Variants in DPY19L1 observed in about 807,000 individuals in gnomAD.
DPY19L1 encodes protein C-mannosyl-transferase DPY19L1.
DPY19L1 carries 35 observed loss-of-function variants against 96.9 expected under a neutral mutation model. The observed-to-expected ratio is 0.36, with a 90% confidence interval of 0.28 to 0.48. The LOEUF is 0.48. Ranked by LOEUF, DPY19L1 falls within the 20% of genes least tolerant of loss-of-function variation. DPY19L1 has a pLI of 0.99. For missense variants in DPY19L1, 521 were observed against 777.9 expected, an observed-to-expected ratio of 0.67 and a Z score of 3.93; for synonymous variants, 205 against 252.6, an observed-to-expected ratio of 0.81 and a Z score of 1.79.
At chr7:35,037,963 C>T, upstream of DPY19L1, 2 of 1,173,396 alleles carry the variant, frequency 1.7e-6, no homozygotes, top group Non-Finnish European at 2.1e-6. Context: ...GTTTCGGAGC[C>T]TGTTAAGGCT....
intron 1 of DPY19L1, among the ~76,000 whole-genome samples, chr7:35,022,616 C>T (rs1279382180): frequency 6.6e-6 from 1 of 152,206 alleles, no homozygotes; most frequent in South Asian, 2.1e-4. Flanking sequence ...GTAGAAACAA[C>T]ATTTACCAAA....
chr7:35,006,322 G>A (rs1172754072), intron 6 of DPY19L1, among the ~76,000 whole-genome samples: 1 of 152,146 alleles, frequency 6.6e-6, no homozygotes, highest in East Asian at 1.9e-4. Context: ...TCACACTAAA[G>A]TGCAAAGAAT....
At chr7:35,032,684 C>T (rs554966523) in intron 1 of DPY19L1, among the ~76,000 whole-genome samples, 10 of 152,162 alleles carry the variant, frequency 6.6e-5, no homozygotes, top group South Asian at 6.2e-4. Flanking sequence ...ATGTCCAAGA[C>T]GAAATTCTTG....
In DPY19L1 at chr7:34,947,658, A is replaced by T. The variant is rs765517602; in HGVS notation, c.1466T>A (p.Leu489His). 6.2e-7 allele frequency: 1 copy of T among 1,612,752 alleles called. No individual in the cohort carries two copies. Among genetic ancestry groups the T allele is most frequent in the Non-Finnish European group, 8.5e-7 (1 of 1,179,276 alleles). ...TCTAACAATAGCAACAAACACTACA[A>T]GAACAACTGGAAGCAATAATGTCTT... is the stretch of plus-strand genomic sequence containing the variant. ...YTKTLLLPVV[L>H]VVFVAIVRKI... is the part of the protein sequence containing the mutation. Residue 489 changes from leucine (L) to histidine (H), a missense_variant, in exon 15 of 22, where the codon CTT (leucine) becomes CAT (histidine). Physicochemically the swap from Leu to His is moderately conservative, Grantham distance 99. Transcript: ENST00000638088.
chr7:34,939,684 T>C (rs1407392293), intron 19 of DPY19L1, among the ~76,000 whole-genome samples: 1 of 152,206 alleles, frequency 6.6e-6, no homozygotes, highest in Non-Finnish European at 1.5e-5. Flanking sequence ...TCAAATGGAC[T>C]AGGAAAGCTT....
intron 10 of DPY19L1, among the ~76,000 whole-genome samples, chr7:34,964,863 A>G (rs2128666519): frequency 6.6e-6 from 1 of 152,258 alleles, no homozygotes; most frequent in African/African-American, 2.4e-5. Flanking sequence ...AAACTGGTAA[A>G]AGATCTGAAT....
chr7:35,001,465 G>A (rs1309405468), intron 6 of DPY19L1, among the ~76,000 whole-genome samples: 1 of 152,158 alleles, frequency 6.6e-6, no homozygotes, highest in African/African-American at 2.4e-5. Context: ...ATAGAAGACA[G>A]AGTCTCTTAA....
At chr7:34,958,849 G>C (rs1784431684) in intron 10 of DPY19L1, among the ~76,000 whole-genome samples, 1 of 152,132 alleles carries the variant, frequency 6.6e-6, no homozygotes, top group East Asian at 1.9e-4. Flanking sequence ...ATGAGACACA[G>C]CACCTTTTAT....
chr7:35,028,224 C>T (rs766646564), intron 1 of DPY19L1, among the ~76,000 whole-genome samples: 15 of 152,068 alleles, frequency 9.9e-5, no homozygotes, highest in Non-Finnish European at 1.5e-4. Flanking sequence ...AGCTCAGGCT[C>T]GAAGATGTTA....
At chr7:35,006,840 T>C (rs771289042) in intron 6 of DPY19L1, among the ~76,000 whole-genome samples, 2 of 152,190 alleles carry the variant, frequency 1.3e-5, no homozygotes, top group Non-Finnish European at 2.9e-5. Context: ...TAAAAACTTA[T>C]ATGTATATTA....
Position 34,949,901 on chromosome 7 carries a change from G to A in DPY19L1, c.1321-3C>T, listed in dbSNP as rs370647575. 2.8e-4 allele frequency: 424 copies of A among 1,496,330 alleles called. 4 individuals carry two copies. The South Asian group carries it at 4.8e-3, about 17-fold the overall frequency. The allele number at this position is 1,496,330 out of a possible 1,614,324, so 92.7% of individuals were successfully genotyped here. A position where few individuals can be genotyped will look rare whatever the true frequency, so the allele number is the denominator to read the frequency against. On this transcript the variant is annotated splice_region_variant and splice_polypyrimidine_tract_variant and intron_variant, in intron 13 of 21. Transcript: ENST00000638088. The stretch of plus-strand genomic sequence containing the variant: ...GTTAGTAAGTTGCCAATATGAGCCT[G>A]GTAAGAAATAAAGTTACCATTATAT...
intron 7 of DPY19L1, 35 bp from the exon 8 acceptor site, chr7:34,973,640 T>A: frequency 8.5e-7 from 1 of 1,172,078 alleles, no homozygotes; most frequent in African/African-American, 1.6e-5. Context: ...GTATACTTGC[T>A]AAATTTACTA....
At chr7:35,013,762 T>G in intron 3 of DPY19L1, 57 bp from the exon 4 acceptor site, 1 of 1,387,260 alleles carries the variant, frequency 7.2e-7, no homozygotes, top group Non-Finnish European at 9.9e-7. Context: ...ATGATGCCAC[T>G]TCTAAGTAAA....
chr7:34,947,390 A>C (rs1784171263), intron 15 of DPY19L1, among the ~76,000 whole-genome samples: 1 of 152,154 alleles, frequency 6.6e-6, no homozygotes, highest in African/African-American at 2.4e-5. Flanking sequence ...TGCCTTCCAA[A>C]ATACATGACT....
In DPY19L1 at chr7:34,969,522, G is replaced by C. The variant is rs778908270; in HGVS notation, c.925C>G (p.Leu309Val). Residue 309 changes from leucine (L) to valine (V), a missense_variant, in exon 9 of 22, where the codon CTT becomes GTT. By Grantham distance (32) the Leu-to-Val change is conservative. Transcript: ENST00000638088. ...AGTGCAATCAAGCTTCCTCTATAAA[G>C]TTTTGTAGCCCTTGAAAAGATAAAA... ...LVTHILRATKLYRGSLIALCI... is the reference protein window; with the variant it reads ...LVTHILRATKVYRGSLIALCI... 6.4e-7 allele frequency: 1 copy of C among 1,552,288 alleles called. No homozygotes were observed.
intron 6 of DPY19L1, among the ~76,000 whole-genome samples, chr7:35,006,349 C>G (rs547977433): frequency 4.6e-5 from 7 of 152,170 alleles, no homozygotes; most frequent in African/African-American, 1.7e-4. Flanking sequence ...TTTAGTATCA[C>G]CTGCTTGATA....
chr7:34,958,121 C>G (rs753305007), intron 10 of DPY19L1, 51 bp from the exon 11 acceptor site: 2 of 1,326,802 alleles, frequency 1.5e-6, no homozygotes, highest in Non-Finnish European at 2.0e-6. Context: ...AACAAAAAAC[C>G]TTTGTTTTTT....
Position 34,940,268 on chromosome 7 carries a change from T to C in DPY19L1, c.1749A>G (p.Ala583=), listed in dbSNP as rs1254652396. The change falls in exon 19 of 22, where the codon GCA becomes GCG. Residue 583 remains alanine (A), a synonymous_variant. Transcript: ENST00000638088. ...HPGAIVFAIL[A]AMSIQGSANL... is the part of the protein sequence containing the mutation. ...TTGCTGAACCTTGTATTGACATTGCTGCTAATATAGCAAACACAATAGCAC... is the reference window on the plus strand; with the variant it reads ...TTGCTGAACCTTGTATTGACATTGCCGCTAATATAGCAAACACAATAGCAC... 6.2e-7 allele frequency: 1 copy of C among 1,612,454 alleles called. No homozygotes were observed. The highest frequency in any genetic ancestry group is 1.7e-5 in the Admixed American group (1 of 59,982).
chr7:34,968,954 T>G (rs1268782409), intron 9 of DPY19L1, among the ~76,000 whole-genome samples: 1 of 152,042 alleles, frequency 6.6e-6, no homozygotes, highest in African/African-American at 2.4e-5. Context: ...ATTTCCAGAC[T>G]GGTAGAGAGA....
Sources: allele counts gnomAD v4.1 joint callset (sites outside exome capture counted in the v4.1 genomes callset), GRCh38; gene constraint gnomAD v4.1.1; transcripts MANE v1.5; gene names NCBI Gene and HGNC (gene_info 2026-07-23, HGNC 2026-07-21).